Variants in DCC observed in about 807,000 individuals in gnomAD.
The protein encoded by DCC is netrin receptor DCC.
Under a neutral mutation model 172.5 loss-of-function variants are expected in DCC, and 58 were observed. The observed-to-expected ratio is 0.34, with a 90% CI of 0.27 to 0.42. The LOEUF is 0.42. Among genes scored for constraint, DCC ranks in the 10% least tolerant of loss-of-function variants. The pLI, the probability that DCC is intolerant of heterozygous loss-of-function variation, is 1.00. For synonymous variants in DCC, 709 were observed against 644.5 expected (o/e 1.10, Z -1.52); for missense variants, 1,740 against 1,791.0 (o/e 0.97, Z 0.51).
chr18:53,039,913 C>T (rs1473212331), intron 5 of DCC, among the ~76,000 whole-genome samples: 4 of 151,892 alleles, frequency 2.6e-5, no homozygotes, highest in East Asian at 1.9e-4. Context: ...TCCTTGAGGG[C>T]ATATCTATTG....
intron 1 of DCC, among the ~76,000 whole-genome samples, chr18:52,377,234 A>G (rs190353284): frequency 1.3e-5 from 2 of 152,328 alleles, no homozygotes; most frequent in Admixed American, 6.5e-5. Flanking sequence ...TGATTTTTCC[A>G]GAAGAGAGGA....
intron 1 of DCC, among the ~76,000 whole-genome samples, chr18:52,501,564 T>C (rs368118031): frequency 1.5e-4 from 23 of 152,254 alleles, no homozygotes; most frequent in African/African-American, 5.5e-4. Context: ...ATATCAGTGT[T>C]GGGTCAGTGC....
chr18:53,152,750 T>C (rs1168258787), intron 7 of DCC, among the ~76,000 whole-genome samples: 1 of 152,202 alleles, frequency 6.6e-6, no homozygotes, highest in East Asian at 1.9e-4. Context: ...GGTTCTTTAT[T>C]GAGACCTTAT....
At chr18:52,472,589 T>C (rs1208494258) in intron 1 of DCC, among the ~76,000 whole-genome samples, 1 of 152,224 alleles carries the variant, frequency 6.6e-6, no homozygotes, top group African/African-American at 2.4e-5. Context: ...GTTCTCTCTC[T>C]GTTAACATAT....
chr18:53,501,470 A>G (rs1410318004), intron 27 of DCC, among the ~76,000 whole-genome samples: 2 of 152,228 alleles, frequency 1.3e-5, no homozygotes, highest in Non-Finnish European at 2.9e-5. Context: ...TTAAATCATT[A>G]GAAGAAAAAA....
At chr18:52,410,270 T>C (rs908724033) in intron 1 of DCC, among the ~76,000 whole-genome samples, 1 of 152,040 alleles carries the variant, frequency 6.6e-6, no homozygotes, top group African/African-American at 2.4e-5. Context: ...TGAATAAATA[T>C]ATCAATAAAA....
intron 12 of DCC, among the ~76,000 whole-genome samples, chr18:53,281,549 C>G (rs1331111951): frequency 6.6e-6 from 1 of 152,118 alleles, no homozygotes; most frequent in Admixed American, 6.6e-5. Context: ...TAAACCTGTC[C>G]CATTCTGACT....
chr18:53,314,783 C>T (rs1248350626), intron 13 of DCC, among the ~76,000 whole-genome samples: 1 of 152,006 alleles, frequency 6.6e-6, no homozygotes, highest in Non-Finnish European at 1.5e-5. Context: ...TCAGAGTGAC[C>T]TGAGGCACTA....
intron 1 of DCC, among the ~76,000 whole-genome samples, chr18:52,734,547 G>C (rs970527610): frequency 6.6e-6 from 1 of 152,074 alleles, no homozygotes; most frequent in Non-Finnish European, 1.5e-5. Flanking sequence ...ATCCAGGTGG[G>C]TATCCATGAA....
chr18:53,449,332 C>G (rs550754758), intron 22 of DCC, among the ~76,000 whole-genome samples: 88 of 152,230 alleles, frequency 5.8e-4, no homozygotes, highest in African/African-American at 2.0e-3. Context: ...AAGAAAGCTA[C>G]GTCAAGGGTC....
chr18:52,480,465 A>T (rs1461535907), intron 1 of DCC, among the ~76,000 whole-genome samples: 1 of 152,170 alleles, frequency 6.6e-6, no homozygotes, highest in Non-Finnish European at 1.5e-5. Context: ...TATTCCTTAG[A>T]AGTGCATTGG....
Position 53,449,770 on chromosome 18 carries a change from C to T in DCC, c.3230-730C>T, listed in dbSNP as rs1378197547. Among the ~76,000 whole-genome samples the T allele has an allele frequency of 2.6e-5, 4 of 152,234 alleles. No individual in the cohort carries two copies. The East Asian group carries it at 7.7e-4, about 29-fold the overall frequency. On this transcript the variant is annotated intron_variant, in intron 22 of 28. Transcript: ENST00000442544. Reference sequence around the variant, plus strand: ...AGATATATCTTATGCGCCATAAACTCACCCTTTGAAAATGTACAATTCAGC... The same window carrying T: ...AGATATATCTTATGCGCCATAAACTTACCCTTTGAAAATGTACAATTCAGC...
At chr18:53,358,589 C>T (rs1477937068) in intron 15 of DCC, among the ~76,000 whole-genome samples, 6 of 126,394 alleles carry the variant, frequency 4.7e-5, no homozygotes, top group African/African-American at 9.5e-5. Context: ...GGCATGGTCT[C>T]GGCTCACTGC....
chr18:53,118,732 A>G (rs900589546), intron 7 of DCC, among the ~76,000 whole-genome samples: 1 of 151,792 alleles, frequency 6.6e-6, no homozygotes, highest in African/African-American at 2.4e-5. Context: ...ATGTAAAAAT[A>G]TAGGTCATTA....
At chr18:52,997,810 T>C (rs981004079) in intron 5 of DCC, among the ~76,000 whole-genome samples, 1 of 152,066 alleles carries the variant, frequency 6.6e-6, no homozygotes, top group East Asian at 1.9e-4. Context: ...TTCAATAGGT[T>C]CATTTGCTCC....
intron 25 of DCC, among the ~76,000 whole-genome samples, chr18:53,476,760 A>C (rs1221316472): frequency 1.3e-5 from 2 of 152,168 alleles, no homozygotes; most frequent in Non-Finnish European, 2.9e-5. Context: ...ACATTCTCAT[A>C]ATGTGTTATT....
chr18:52,917,137 C>CAAAAAAAAAAAAAAAAAAAAA (rs146388621), intron 3 of DCC, among the ~76,000 whole-genome samples: 4 of 94,818 alleles, frequency 4.2e-5, no homozygotes, highest in South Asian at 3.4e-4. Context: ...AAAAAGAAAA[C>CAAAAAAAAAAAAAAAAAAAAA]AAAAAAAAAA....
chr18:53,528,282 G>A (rs1427903839), intron 28 of DCC, among the ~76,000 whole-genome samples: 7 of 152,144 alleles, frequency 4.6e-5, no homozygotes, highest in Non-Finnish European at 8.8e-5. Context: ...CTGAGTATGT[G>A]AGTGTGTCTG....
At chr18:53,151,996 GA>G (rs956847177) in intron 7 of DCC, among the ~76,000 whole-genome samples, 8 of 150,660 alleles carry the variant, frequency 5.3e-5, no homozygotes, top group African/African-American at 7.3e-5. Flanking sequence ...GGAACAACAA[GA>G]AAAAAAAATC....
Sources: allele counts gnomAD v4.1 joint callset (sites outside exome capture counted in the v4.1 genomes callset), GRCh38; gene constraint gnomAD v4.1.1; transcripts MANE v1.5; gene names NCBI Gene and HGNC (gene_info 2026-07-23, HGNC 2026-07-21).